The following HEATR5A variants were observed in gnomAD, a reference collection of about 807,000 sequenced individuals.
HEATR5A encodes HEAT repeat containing 5A.
In HEATR5A, 178 loss-of-function variants were observed where a neutral mutation model predicts 218.8. The ratio of observed to expected loss-of-function variants is 0.81; its 90% confidence interval spans 0.72 to 0.92. HEATR5A has a LOEUF of 0.92. HEATR5A is among the 40% of genes least tolerant of loss of function. HEATR5A has a pLI of 0.00. For missense variants in HEATR5A, 2,420 were observed against 2,418.9 expected (o/e 1.00, Z -0.01); for synonymous variants, 864 against 871.6 (o/e 0.99, Z 0.15).
chr14:31,394,081 T>G lies in HEATR5A; in HGVS notation c.743A>C (p.Lys248Thr), dbSNP rs1232247771. 6.5e-7 allele frequency: 1 copy of G among 1,530,214 alleles called. No individual in the cohort carries two copies. Among genetic ancestry groups the G allele is most frequent in the African/African-American group, 1.4e-5 (1 of 72,690 alleles). 94.8% of individuals were successfully genotyped at this position (1,530,214 alleles called of 1,614,324 possible). ...TCCTGGATGTTTAGAAATTACAGCT[T>G]TAGCTAATATTATGCCTAGTAACTT... ...VSKLLGIILA[K>T]AVISKHPGTA... The change falls in exon 6 of 36, where the codon AAA becomes ACA. Residue 248 changes from lysine to threonine, a missense_variant. By Grantham distance (78) the Lys-to-Thr change is moderately conservative (BLOSUM62 -1). Transcript: ENST00000543095.
Position 31,337,521 on chromosome 14 carries a change from G to A in HEATR5A, c.3322C>T (p.His1108Tyr), listed in dbSNP as rs867809817. 23 of 1,561,200 alleles carry A rather than the reference G, an allele frequency of 1.5e-5. No homozygotes were observed. Among genetic ancestry groups the A allele is most frequent in the Admixed American group, 1.9e-5 (1 of 51,778 alleles). The stretch of plus-strand genomic sequence containing the variant: ...CTATCCTTAGCAAGCATAACAGCAT[G>A]TTCTGAAACTTCAGCTGCTTCTCTT... ...VQREAAEVSEHAVMLAKDSRE... is the reference protein window; with the variant it reads ...VQREAAEVSEYAVMLAKDSRE... Residue 1108 changes from histidine to tyrosine, a missense_variant, in exon 22 of 36, where the codon CAT becomes TAT. His to Tyr is a moderately conservative substitution (Grantham distance 83). Coordinates refer to ENST00000543095, the MANE Select transcript of HEATR5A (RefSeq NM_015473.4).
At chr14:31,294,145 A>C (rs1899101778) in intron 34 of HEATR5A, 41 bp from the exon 35 acceptor site, 2 of 1,316,806 alleles carry the variant, frequency 1.5e-6, no homozygotes, top group Non-Finnish European at 2.1e-6. Context: ...ACTATAAATA[A>C]ATTTTTAAAA....
chr14:31,344,268 C>CTTTTTGTTTTTTTTTTTTTTTTTTTTT (rs1900942689), intron 20 of HEATR5A, among the ~76,000 whole-genome samples: 1 of 50,812 alleles, frequency 2.0e-5, no homozygotes, highest in Non-Finnish European at 3.7e-5. Flanking sequence ...ATTAGTTATT[C>CTTTTTGTTTTTTTTTTTTTTTTTTTTT]TTTTTTTTTT....
At chr14:31,362,484 C>A (rs539093618) in intron 14 of HEATR5A, among the ~76,000 whole-genome samples, 21 of 151,180 alleles carry the variant, frequency 1.4e-4, no homozygotes, top group Non-Finnish European at 1.8e-4. Flanking sequence ...ATTATCAGGC[C>A]AGGCCCAGTG....
chr14:31,344,265 A>ATTATTTTT (rs1245011736), intron 20 of HEATR5A, among the ~76,000 whole-genome samples, 200 bp from the exon 21 acceptor site: 1 of 54,934 alleles, frequency 1.8e-5, no homozygotes. Context: ...TAGATTAGTT[A>ATTATTTTT]TTCTTTTTTT....
Position 31,297,483 on chromosome 14 carries a change from TAAACAAAC to T in HEATR5A, c.5465-1428_5465-1421del, listed in dbSNP as rs58946487. On this transcript the variant is annotated intron_variant, in intron 33 of 35. Transcript: ENST00000543095. ...GTAACACAGCAAGTCCCTGTCTCTT[TAAACAAAC>T]AAACAAACAAACAAACAACATTCAA... is the stretch of plus-strand genomic sequence containing the variant. The T allele has an allele frequency of 2.3e-3, 351 of 152,338 alleles. 1 individual carries two copies. Among genetic ancestry groups the T allele is most frequent in the Middle Eastern group, 0.017 (5 of 296 alleles). The allele number at this position is 152,338 out of a possible 1,614,324, so 9.4% of individuals were successfully genotyped here.
chr14:31,301,367 T>G (rs1722519541), intron 33 of HEATR5A, among the ~76,000 whole-genome samples: 1 of 152,158 alleles, frequency 6.6e-6, no homozygotes, highest in African/African-American at 2.4e-5. Context: ...GTGATTCTCC[T>G]GCCTCAGCCT....
intron 1 of HEATR5A, among the ~76,000 whole-genome samples, chr14:31,413,456 C>A (rs1595191356): frequency 6.7e-6 from 1 of 149,876 alleles, no homozygotes; most frequent in Non-Finnish European, 1.5e-5. Flanking sequence ...AAGCTGGATT[C>A]CATGATGGCG....
chr14:31,386,185 C>G (rs953491769), intron 9 of HEATR5A, among the ~76,000 whole-genome samples: 3 of 152,144 alleles, frequency 2.0e-5, no homozygotes, highest in African/African-American at 7.2e-5. Context: ...TAAGTTTTTC[C>G]ATGTTATAAG....
intron 27 of HEATR5A, among the ~76,000 whole-genome samples, chr14:31,314,279 A>G (rs1392793562): frequency 6.6e-6 from 1 of 150,624 alleles, no homozygotes; most frequent in Non-Finnish European, 1.5e-5. Flanking sequence ...TTTCTTTGAG[A>G]TGGAGTTTCG....
chr14:31,387,088 GT>G (rs1423249821), intron 8 of HEATR5A, 31 bp downstream of exon 8: 1 of 1,608,734 alleles, frequency 6.2e-7, no homozygotes, highest in African/African-American at 1.3e-5. Context: ...CATTAGCACT[GT>G]TAAACAAACT....
At position 31,346,622 on chromosome 14, in the gene HEATR5A, G is replaced by C. The variant is rs141464010; in HGVS notation, c.2868+1126C>G. 1.4e-4 allele frequency among the ~76,000 whole-genome samples: 22 copies of C among 152,368 alleles called. No homozygotes were observed. The East Asian group carries it at 3.9e-3, about 27-fold the overall frequency. On this transcript the variant is annotated intron_variant, in intron 19 of 35. Coordinates refer to ENST00000543095, the MANE Select transcript of HEATR5A (RefSeq NM_015473.4). ...TTTGAGGTAGTAACAGAAAACATCT[G>C]TGGGGTCAGTTGATGGGACTGGAAT...
At chr14:31,346,168 T>C (rs8017888) in intron 19 of HEATR5A, among the ~76,000 whole-genome samples, 51,936 of 152,008 alleles carry the variant, frequency 0.34, 10,206 homozygotes, top group Non-Finnish European at 0.43. Context: ...AGCTCCTATT[T>C]GTTAGGTGAG....
At chr14:31,304,598 G>A (rs1899494152) in intron 32 of HEATR5A, among the ~76,000 whole-genome samples, 3 of 152,068 alleles carry the variant, frequency 2.0e-5, no homozygotes, top group Admixed American at 2.0e-4. Flanking sequence ...TGTATTTTTA[G>A]TAGAGATGGG....
At chr14:31,378,845 G>A (rs2029877301) in intron 11 of HEATR5A, among the ~76,000 whole-genome samples, 1 of 151,030 alleles carries the variant, frequency 6.6e-6, no homozygotes, top group Admixed American at 6.6e-5. Context: ...ATTTATGATT[G>A]TTTATTCTAA....
At chr14:31,334,945 C>CAAAAA (rs58661759) in intron 22 of HEATR5A, among the ~76,000 whole-genome samples, 57 of 96,548 alleles carry the variant, frequency 5.9e-4, no homozygotes, top group Admixed American at 7.6e-4. Flanking sequence ...GATTCCATCT[C>CAAAAA]AAAAAAAAAA....
chr14:31,374,484 G>A (rs1902154612), intron 12 of HEATR5A, among the ~76,000 whole-genome samples: 1 of 152,042 alleles, frequency 6.6e-6, no homozygotes, highest in Admixed American at 6.6e-5. Flanking sequence ...TAGGCTAAAT[G>A]GAAACGATTC....
chr14:31,418,053 C>G (rs1391474760), intron 1 of HEATR5A, among the ~76,000 whole-genome samples: 1 of 150,604 alleles, frequency 6.6e-6, no homozygotes, highest in Admixed American at 6.6e-5. Context: ...ACTAAAAATA[C>G]AAAAATTAGC....
chr14:31,361,734 A>G (rs990182042), intron 14 of HEATR5A, among the ~76,000 whole-genome samples: 1 of 152,202 alleles, frequency 6.6e-6, no homozygotes. Flanking sequence ...CAAAACTAAG[A>G]CAGGAAATAA....
Sources: allele counts gnomAD v4.1 joint callset (sites outside exome capture counted in the v4.1 genomes callset), GRCh38; gene constraint gnomAD v4.1.1; transcripts MANE v1.5; gene names NCBI Gene and HGNC (gene_info 2026-07-23, HGNC 2026-07-21).